Variants in PANK2 observed in about 807,000 individuals in gnomAD.
PANK2 encodes the protein pantothenate kinase 2, mitochondrial.
Under a neutral mutation model 43.1 loss-of-function variants are expected in PANK2, and 36 were observed. The ratio of observed to expected loss-of-function variants is 0.84; its 90% CI spans 0.64 to 1.10. The LOEUF is 1.10. Among genes scored for constraint, PANK2 ranks in the 50% least tolerant of loss-of-function variants. The pLI, the probability that PANK2 is intolerant of heterozygous loss-of-function variation, is 0.00. For missense variants in PANK2, 576 were observed against 593.3 expected, an observed-to-expected ratio of 0.97 and a Z score of 0.30; for synonymous variants, 281 against 238.2, an observed-to-expected ratio of 1.18 and a Z score of -1.66.
At chr20:3,895,175 G>A (rs566980885) in intron 1 of PANK2, among the ~76,000 whole-genome samples, 4 of 152,246 alleles carry the variant, frequency 2.6e-5, no homozygotes, top group Non-Finnish European at 5.9e-5. Flanking sequence ...TCAGGACGCT[G>A]AGGCAGGAGA....
At position 3,925,705 on chromosome 20, in the gene PANK2, G is replaced by T. The variant is rs1452189723; in HGVS notation, c.*2411G>T. On this transcript the variant is annotated 3_prime_UTR_variant, in exon 7 of 7. Transcript: ENST00000610179. The stretch of plus-strand genomic sequence containing the variant: ...TGACAGTTAGCTGTGGCTGTCCTCA[G>T]CCTCAGTCCTGGGTCTCCCCAAGCA... 1.3e-5 allele frequency: 2 copies of T among 152,164 alleles called. No homozygotes were observed. The highest frequency in any genetic ancestry group is 3.9e-4 in the East Asian group (2 of 5,184). 9.4% of individuals were successfully genotyped at this position (152,164 alleles called of 1,614,324 possible).
At chr20:3,913,624 C>T (rs529353453) in intron 4 of PANK2, among the ~76,000 whole-genome samples, 7 of 151,064 alleles carry the variant, frequency 4.6e-5, no homozygotes, top group Admixed American at 1.3e-4. Flanking sequence ...TGTGAGCCAC[C>T]GCGCCCGGCT....
At chr20:3,912,352 T>G in intron 3 of PANK2, 106 bp from the exon 4 acceptor site, 3 of 1,227,562 alleles carry the variant, frequency 2.4e-6, no homozygotes, top group Non-Finnish European at 3.6e-6. Context: ...GGCATTTGCA[T>G]GATTGGGTTG....
chr20:3,911,583 C>CA (rs11414834), intron 3 of PANK2, among the ~76,000 whole-genome samples: 76,392 of 145,652 alleles, frequency 0.52, 19,920 homozygotes, highest in East Asian at 0.66. Context: ...GACTCCGTCT[C>CA]AAAAAAAAAA....
chr20:3,912,074 G>T (rs1165564083), intron 3 of PANK2, among the ~76,000 whole-genome samples: 1 of 152,130 alleles, frequency 6.6e-6, no homozygotes, highest in African/African-American at 2.4e-5. Context: ...TATGTTTGGG[G>T]GTGTACTGAT....
chr20:3,912,255 G>C (rs1036809299), intron 3 of PANK2, among the ~76,000 whole-genome samples: 3 of 152,138 alleles, frequency 2.0e-5, no homozygotes, highest in Non-Finnish European at 4.4e-5. Flanking sequence ...CCTGTGTTTT[G>C]TACTTTGCAT....
rs536728132 is a variant in PANK2, at chr20:3,924,325, C to A, written c.*1031C>A. On this transcript the variant is annotated 3_prime_UTR_variant, in exon 7 of 7. Coordinates refer to ENST00000610179, the MANE Select transcript of PANK2 (RefSeq NM_001386393.1). The stretch of plus-strand genomic sequence containing the variant: ...GTGGTGCCCATATTGCTGTTGAAGG[C>A]AAGGATGGGCCTGTACAAAGCAGCC... 2 of 152,356 alleles carry A rather than the reference C, an allele frequency of 1.3e-5. No homozygotes were observed. The highest frequency in any genetic ancestry group is 4.1e-4 in the South Asian group (2 of 4,834). 9.4% of individuals were successfully genotyped at this position (152,356 alleles called of 1,614,324 possible). A position where few individuals can be genotyped will look rare whatever the true frequency, so the allele number is the denominator to read the frequency against.
intron 2 of PANK2, among the ~76,000 whole-genome samples, 155 bp downstream of exon 2, chr20:3,908,433 T>C (rs2090421737): frequency 1.3e-5 from 2 of 152,160 alleles, no homozygotes; most frequent in Non-Finnish European, 1.5e-5. Flanking sequence ...GAGTTGGCCA[T>C]CTAGAGGTGG....
chr20:3,928,207 A>T lies in PANK2; in HGVS notation c.*4913A>T, dbSNP rs1600597512. The T allele has an allele frequency of 6.6e-6, 1 of 152,222 alleles. No individual in the cohort carries two copies. The highest frequency in any genetic ancestry group is 1.5e-5 in the Non-Finnish European group (1 of 68,046). The allele number at this position is 152,222 out of a possible 1,614,324, so 9.4% of individuals were successfully genotyped here. ...GGAAAAGACACACCCAGGGCCAGAG[A>T]TTCTACAAATGCCAGAAGAGTGGAT... On this transcript the variant is annotated 3_prime_UTR_variant, in exon 7 of 7. Coordinates refer to ENST00000610179, the MANE Select transcript of PANK2 (RefSeq NM_001386393.1).
chr20:3,897,839 T>C (rs917535042), intron 1 of PANK2, among the ~76,000 whole-genome samples: 2 of 151,840 alleles, frequency 1.3e-5, no homozygotes, highest in Admixed American at 1.3e-4. Context: ...AAACTGTCTC[T>C]ACTAAAAATA....
chr20:3,889,077 G>GT (rs2090061863), upstream of PANK2: 1 of 1,519,006 alleles, frequency 6.6e-7, no homozygotes, highest in Non-Finnish European at 8.9e-7. Flanking sequence ...GCATGCACAA[G>GT]TGGGGGGCGG....
rs2090693553 is a variant in PANK2 at position 3,924,554 on chromosome 20, T to G, written c.*1260T>G. 1 of 152,764 alleles carries G rather than the reference T, an allele frequency of 6.5e-6. No homozygotes were observed. Among genetic ancestry groups the G allele is most frequent in the African/African-American group, 2.4e-5 (1 of 41,462 alleles). The allele number at this position is 152,764 out of a possible 1,614,324, so 9.5% of individuals were successfully genotyped here. A position where few individuals can be genotyped will look rare whatever the true frequency, so the allele number is the denominator to read the frequency against. The stretch of plus-strand genomic sequence containing the variant: ...CACCTCTGCACATGGGCCTTGGCAC[T>G]TAGGAAATATGGGTGCTGCTGCATT... On this transcript the variant is annotated 3_prime_UTR_variant, in exon 7 of 7. Transcript: ENST00000610179.
chr20:3,900,117 G>A (rs558151520), intron 1 of PANK2, among the ~76,000 whole-genome samples: 6 of 151,708 alleles, frequency 4.0e-5, no homozygotes, highest in African/African-American at 1.4e-4. Flanking sequence ...GTTAACATTT[G>A]CTTGATACAG....
chr20:3,911,682 G>T (rs555235116), intron 3 of PANK2, among the ~76,000 whole-genome samples: 1 of 145,752 alleles, frequency 6.9e-6, no homozygotes, highest in African/African-American at 2.5e-5. Flanking sequence ...ACCAGAGGTC[G>T]GGAGTTCGAG....
At chr20:3,903,863 G>C (rs746414745) in intron 1 of PANK2, among the ~76,000 whole-genome samples, 13 of 152,034 alleles carry the variant, frequency 8.6e-5, no homozygotes, top group Admixed American at 1.3e-4. Flanking sequence ...TCCTGACCTT[G>C]TGATCCGGCC....
At chr20:3,912,757 C>G in intron 4 of PANK2, 123 bp downstream of exon 4, 2 of 1,047,480 alleles carry the variant, frequency 1.9e-6, no homozygotes, top group East Asian at 2.5e-5. Flanking sequence ...TGAGACCAGC[C>G]TGGCCAACAT....
In PANK2 at chr20:3,903,872, C is replaced by A. The variant is rs538275684; in HGVS notation, c.299-4054C>A. Among the ~76,000 whole-genome samples, 26 of 152,174 alleles carry A rather than the reference C, an allele frequency of 1.7e-4. 1 individual carries two copies. Among genetic ancestry groups the A allele is most frequent in the Admixed American group, 1.4e-3 (21 of 15,222 alleles). ...TCGAACTCCTGACCTTGTGATCCGGCCGCTTCAGCCTCCCAAAGTGTTGGG... is the reference window on the plus strand; with the variant it reads ...TCGAACTCCTGACCTTGTGATCCGGACGCTTCAGCCTCCCAAAGTGTTGGG... On this transcript the variant is annotated intron_variant, in intron 1 of 6. Coordinates refer to ENST00000610179, the MANE Select transcript of PANK2 (RefSeq NM_001386393.1).
Position 3,928,647 on chromosome 20 carries a change from C to T in PANK2, c.*5353C>T, listed in dbSNP as rs2090764929. On this transcript the variant is annotated 3_prime_UTR_variant, in exon 7 of 7. Transcript: ENST00000610179. Reference sequence around the variant, plus strand: ...TGGCGGGCACCTGTTGTCCCAGCTCCCGAGGCGGGAGAATGGCGTGAACCT... The same window carrying T: ...TGGCGGGCACCTGTTGTCCCAGCTCTCGAGGCGGGAGAATGGCGTGAACCT... 6.8e-6 allele frequency: 1 copy of T among 146,540 alleles called. No individual in the cohort carries two copies. The highest frequency in any genetic ancestry group is 1.5e-5 in the Non-Finnish European group (1 of 66,814). The allele number at this position is 146,540 out of a possible 1,614,324, so 9.1% of individuals were successfully genotyped here. A position where few individuals can be genotyped will look rare whatever the true frequency, so the allele number is the denominator to read the frequency against.
rs1053932813 is a variant in PANK2, at chr20:3,928,462, CTA to C, written c.*5169_*5170del. 5.3e-5 allele frequency: 8 copies of C among 152,036 alleles called. No individual in the cohort carries two copies. Among genetic ancestry groups the C allele is most frequent in the African/African-American group, 1.9e-4 (8 of 41,374 alleles). 9.4% of individuals were successfully genotyped at this position (152,036 alleles called of 1,614,324 possible). ...CAGCGGGGACAAAAATGAACTTAAA[CTA>C]AAAAAATTATTGGCCGGGCGCAGTG... On this transcript the variant is annotated 3_prime_UTR_variant, in exon 7 of 7. Transcript: ENST00000610179.
Sources: allele counts gnomAD v4.1 joint callset (sites outside exome capture counted in the v4.1 genomes callset), GRCh38; gene constraint gnomAD v4.1.1; transcripts MANE v1.5; gene names NCBI Gene and HGNC (gene_info 2026-07-23, HGNC 2026-07-21).